The following PEDS1 variants were observed in gnomAD, a reference collection of about 807,000 sequenced individuals.
The protein encoded by PEDS1 is CarF homolog.
A neutral mutation model predicts 35.2 loss-of-function variants in PEDS1; 14 were observed. The observed-to-expected ratio is 0.40, with a 90% CI of 0.26 to 0.62. The LOEUF is 0.62. PEDS1 is among the 20% of genes least tolerant of loss of function. The probability of loss-of-function intolerance (pLI) is 0.44; values close to 1 mark genes in which losing one functional copy is unlikely to be tolerated. For synonymous variants in PEDS1, 152 were observed against 152.0 expected, an observed-to-expected ratio of 1.00 and a Z score of 0.00; for missense variants, 260 against 367.8, an observed-to-expected ratio of 0.71 and a Z score of 2.40.
At chr20:50,148,511 G>A (rs1196076141) in intron 1 of PEDS1, among the ~76,000 whole-genome samples, 1 of 152,236 alleles carries the variant, frequency 6.6e-6, no homozygotes, top group African/African-American at 2.4e-5. Context: ...TTATTGGCCT[G>A]AGGAAGGGGC....
Position 50,127,957 on chromosome 20 carries a change from C to A in PEDS1, c.691+18G>T, listed in dbSNP as rs374259495. 19 of 1,610,192 alleles carry A rather than the reference C, an allele frequency of 1.2e-5. No individual in the cohort carries two copies. Among genetic ancestry groups the A allele is most frequent in the Non-Finnish European group, 1.6e-5 (19 of 1,178,510 alleles). On this transcript the variant is annotated intron_variant, in intron 5 of 5. Transcript: ENST00000371652. Reference sequence around the variant, plus strand: ...GCTGGGGTGGGGAAAGCCCATTCCACGCCACTGGTGGCCGCACCTGTGGTG... The same window carrying A: ...GCTGGGGTGGGGAAAGCCCATTCCAAGCCACTGGTGGCCGCACCTGTGGTG...
chr20:50,136,554 C>G (rs1271622344), intron 2 of PEDS1, among the ~76,000 whole-genome samples: 2 of 151,950 alleles, frequency 1.3e-5, no homozygotes, highest in African/African-American at 4.8e-5. Context: ...GAAACCCCAT[C>G]TCTACTAAAA....
chr20:50,127,319 G>T (rs1431632013), intron 5 of PEDS1, among the ~76,000 whole-genome samples: 1 of 150,614 alleles, frequency 6.6e-6, no homozygotes, highest in Non-Finnish European at 1.5e-5. Context: ...GTGCCACAAG[G>T]GCAAGGATCC....
rs556436832 is a variant in PEDS1 at position 50,139,773 on chromosome 20, G to A, written c.241+3729C>T. On this transcript the variant is annotated intron_variant, in intron 2 of 5. Coordinates refer to ENST00000371652, the MANE Select transcript of PEDS1 (RefSeq NM_199129.4). ...TGGCTCACTGCAACCTCTGCCTCCC[G>A]TGTTCAATCAATTTCTCCTGTCTCA... 1.1e-4 allele frequency among the ~76,000 whole-genome samples: 16 copies of A among 150,300 alleles called. No homozygotes were observed. In the South Asian group the frequency reaches 3.1e-3, roughly 29 times the overall value.
In PEDS1 at chr20:50,135,347, T is replaced by C. The variant is rs1460214302; in HGVS notation, c.242-4400A>G. 2.0e-5 allele frequency among the ~76,000 whole-genome samples: 3 copies of C among 150,838 alleles called. 1 individual carries two copies. Among genetic ancestry groups the C allele is most frequent in the Admixed American group, 1.3e-4 (2 of 15,144 alleles). ...AGTGTTTTTGGTCCTCAGGCCATAG[T>C]GTGCTGACCCCTGATAGAAAGCATT... On this transcript the variant is annotated intron_variant, in intron 2 of 5. Transcript: ENST00000371652.
In PEDS1 at chr20:50,123,543, G is replaced by A. The variant is rs909032386; in HGVS notation, c.*1515C>T. Reference sequence around the variant, plus strand: ...AGCCTCCCAAAGTGCTGGGATTACTGGCGTGAGCCACTGTGCGTGGCCCCA... The same window carrying A: ...AGCCTCCCAAAGTGCTGGGATTACTAGCGTGAGCCACTGTGCGTGGCCCCA... On this transcript the variant is annotated 3_prime_UTR_variant, in exon 6 of 6. Coordinates refer to ENST00000371652, the MANE Select transcript of PEDS1 (RefSeq NM_199129.4). 6.6e-6 allele frequency: 1 copy of A among 152,426 alleles called. No homozygotes were observed. The highest frequency in any genetic ancestry group is 2.4e-5 in the African/African-American group (1 of 41,452). 9.4% of individuals were successfully genotyped at this position (152,426 alleles called of 1,614,324 possible).
intron 1 of PEDS1, among the ~76,000 whole-genome samples, chr20:50,145,738 T>C (rs1016375219): frequency 1.3e-5 from 2 of 152,000 alleles, no homozygotes; most frequent in Admixed American, 6.6e-5. Context: ...GTGGGTGACA[T>C]AGAACATGTG....
chr20:50,130,146 C>T (rs114337081), intron 3 of PEDS1, among the ~76,000 whole-genome samples: 1,896 of 152,280 alleles, frequency 0.012, 42 homozygotes, highest in African/African-American at 0.043. Flanking sequence ...CAGGCCTGGC[C>T]AATCATAGCA....
At chr20:50,130,385 G>T (rs990114125) in intron 3 of PEDS1, among the ~76,000 whole-genome samples, 7 of 152,194 alleles carry the variant, frequency 4.6e-5, no homozygotes, top group Middle Eastern at 3.2e-3. Flanking sequence ...GATAGAGATG[G>T]AAGAAGACTG....
chr20:50,137,582 G>A (rs1052992272), intron 2 of PEDS1, among the ~76,000 whole-genome samples: 5 of 152,032 alleles, frequency 3.3e-5, no homozygotes, highest in African/African-American at 9.7e-5. Flanking sequence ...CCTCAAAACC[G>A]TCAAGGTCAG....
intron 3 of PEDS1, 24 bp downstream of exon 3, chr20:50,130,832 A>G (rs1303902996): frequency 1.2e-6 from 2 of 1,613,514 alleles, no homozygotes; most frequent in African/African-American, 2.7e-5. Flanking sequence ...CTTCTTGAGG[A>G]CATGGTTAGG....
At chr20:50,134,030 T>G (rs766943088) in intron 2 of PEDS1, among the ~76,000 whole-genome samples, 2 of 152,190 alleles carry the variant, frequency 1.3e-5, no homozygotes, top group Non-Finnish European at 2.9e-5. Flanking sequence ...ACTGCCTCTG[T>G]CTACCAGCAG....
intron 2 of PEDS1, among the ~76,000 whole-genome samples, chr20:50,133,295 T>A (rs1340033023): frequency 1.0e-5 from 1 of 98,472 alleles, no homozygotes; most frequent in Non-Finnish European, 2.0e-5. Flanking sequence ...ACGGGAGGGG[T>A]GGTGGGGGTG....
At chr20:50,127,832 C>G in intron 5 of PEDS1, 143 bp downstream of exon 5, 2 of 1,186,812 alleles carry the variant, frequency 1.7e-6, no homozygotes, top group Non-Finnish European at 2.4e-6. Flanking sequence ...ACAGTAGGTG[C>G]TCAATAAATG....
chr20:50,147,665 A>C (rs980804607), intron 1 of PEDS1, among the ~76,000 whole-genome samples: 1 of 152,162 alleles, frequency 6.6e-6, no homozygotes, highest in African/African-American at 2.4e-5. Flanking sequence ...CGTCCTCCAA[A>C]TCTGAATATT....
chr20:50,145,094 C>T (rs1296964702), intron 1 of PEDS1, among the ~76,000 whole-genome samples: 4 of 151,406 alleles, frequency 2.6e-5, no homozygotes, highest in African/African-American at 9.7e-5. Flanking sequence ...CCCAGCTATT[C>T]GGGAGGCTGA....
rs1040332396 is a variant in PEDS1, at chr20:50,143,572, G to A, written c.171C>T (p.Ile57=). 13 of 1,613,900 alleles carry A rather than the reference G, an allele frequency of 8.1e-6. No individual in the cohort carries two copies. Among genetic ancestry groups the A allele is most frequent in the East Asian group, 2.2e-5 (1 of 44,896 alleles). Residue 57 remains isoleucine, a synonymous_variant, in exon 2 of 6, where the codon ATC becomes ATT. Transcript: ENST00000371652. ...WCSVILCFSL[I]AHNLVHLLLL... is the part of the protein sequence containing the mutation. The stretch of plus-strand genomic sequence containing the variant: ...GCAGGAGATGGACCAGGTTGTGGGC[G>A]ATGAGGCTGAAGCACAGGATCACAG...
At chr20:50,146,321 CCA>C (rs1414201320) in intron 1 of PEDS1, among the ~76,000 whole-genome samples, 4 of 152,168 alleles carry the variant, frequency 2.6e-5, no homozygotes, top group African/African-American at 9.7e-5. Context: ...CACACGAGGC[CCA>C]TTGCTCATGC....
chr20:50,130,237 C>A (rs1420219238), intron 3 of PEDS1, among the ~76,000 whole-genome samples: 3 of 152,190 alleles, frequency 2.0e-5, no homozygotes, highest in African/African-American at 7.2e-5. Flanking sequence ...CGTGGGACTT[C>A]AGTTGGCGGA....
Sources: allele counts gnomAD v4.1 joint callset (sites outside exome capture counted in the v4.1 genomes callset), GRCh38; gene constraint gnomAD v4.1.1; transcripts MANE v1.5; gene names NCBI Gene and HGNC (gene_info 2026-07-23, HGNC 2026-07-21).